The following NUGGC variants were observed in gnomAD, a reference collection of about 807,000 sequenced individuals.
NUGGC encodes the protein nuclear GTPase, germinal center associated, also known as nuclear GTPase SLIP-GC.
A neutral mutation model predicts 92.6 loss-of-function variants in NUGGC; 58 were observed. That is an observed-to-expected ratio of 0.63 (90% confidence interval 0.51 to 0.78). The LOEUF is 0.78. NUGGC is among the 30% of genes least tolerant of loss of function. NUGGC has a pLI of 0.00. For synonymous variants in NUGGC, 376 were observed against 366.4 expected (o/e 1.03, Z -0.30); for missense variants, 925 against 964.6 (o/e 0.96, Z 0.54).
At position 28,023,187 on chromosome 8, in the gene NUGGC, G is replaced by A; in HGVS notation, c.*130C>T. On this transcript the variant is annotated 3_prime_UTR_variant, in exon 19 of 19. Coordinates refer to ENST00000413272, the MANE Select transcript of NUGGC (RefSeq NM_001010906.2). ...TAGGAGTTCGAGGCTGCAGTGAGCT[G>A]TGATGGTGCCACTGCACTCCAGCCT... 1 of 999,252 alleles carries A rather than the reference G, an allele frequency of 1.0e-6. No individual in the cohort carries two copies. 61.9% of individuals were successfully genotyped at this position (999,252 alleles called of 1,614,324 possible).
At chr8:28,040,213 C>T (rs916280192) in intron 13 of NUGGC, among the ~76,000 whole-genome samples, 21 of 152,114 alleles carry the variant, frequency 1.4e-4, no homozygotes, top group African/African-American at 4.3e-4. Flanking sequence ...TCTTTTTTCA[C>T]CCCTTAGTCT....
Position 28,033,708 on chromosome 8 carries a change from A to C in NUGGC, c.1612-11T>G. The C allele has an allele frequency of 6.2e-7, 1 of 1,613,162 alleles. No homozygotes were observed. Among genetic ancestry groups the C allele is most frequent in the Non-Finnish European group, 8.5e-7 (1 of 1,179,354 alleles). On this transcript the variant is annotated splice_polypyrimidine_tract_variant and intron_variant, in intron 13 of 18. Transcript: ENST00000413272. Reference sequence around the variant, plus strand: ...GTTTCCTTTACTCCTCTAGACAATCAACAATAAATTAGCAGAGTTAGGCAT... The same window carrying C: ...GTTTCCTTTACTCCTCTAGACAATCCACAATAAATTAGCAGAGTTAGGCAT...
intron 9 of NUGGC, among the ~76,000 whole-genome samples, chr8:28,057,829 T>C (rs111412999): frequency 3.7e-4 from 57 of 152,060 alleles, no homozygotes; most frequent in African/African-American, 1.3e-3. Flanking sequence ...GAGCAGGGAG[T>C]TGGCACACTA....
intron 7 of NUGGC, among the ~76,000 whole-genome samples, chr8:28,061,675 A>T (rs897718538): frequency 2.0e-5 from 3 of 152,180 alleles, no homozygotes; most frequent in Non-Finnish European, 4.4e-5. Context: ...GGGGCTAATG[A>T]TGGTTATGAT....
At chr8:28,030,026 A>G (rs1809374484) in intron 16 of NUGGC, among the ~76,000 whole-genome samples, 1 of 152,212 alleles carries the variant, frequency 6.6e-6, no homozygotes, top group Admixed American at 6.5e-5. Flanking sequence ...ACTTGGAAAC[A>G]AAAATGAGAA....
chr8:28,055,932 C>T, intron 10 of NUGGC, 33 bp downstream of exon 10: 1 of 1,227,688 alleles, frequency 8.1e-7, no homozygotes, highest in South Asian at 1.3e-5. Flanking sequence ...TGCTGGGATA[C>T]AGAAAAACAC....
At chr8:28,061,108 T>G (rs894367736) in intron 7 of NUGGC, among the ~76,000 whole-genome samples, 25 of 152,212 alleles carry the variant, frequency 1.6e-4, no homozygotes, top group Admixed American at 1.4e-3. Context: ...CTGGCTTGCT[T>G]TATCTCAGTT....
At chr8:28,031,501 T>A in intron 14 of NUGGC, 120 bp from the exon 15 acceptor site, 2 of 970,532 alleles carry the variant, frequency 2.1e-6, no homozygotes, top group Non-Finnish European at 1.5e-6. Flanking sequence ...AATCTAACAG[T>A]TATCAAATCC....
At chr8:28,023,718 A>C (rs1024210829) in intron 18 of NUGGC, among the ~76,000 whole-genome samples, 2 of 152,196 alleles carry the variant, frequency 1.3e-5, no homozygotes, top group African/African-American at 4.8e-5. Flanking sequence ...AAGGCTTCAC[A>C]GGTGTGTGAT....
At chr8:28,059,293 T>G (rs1238097160) in intron 8 of NUGGC, among the ~76,000 whole-genome samples, 1 of 152,180 alleles carries the variant, frequency 6.6e-6, no homozygotes, top group East Asian at 1.9e-4. Flanking sequence ...TTATACCCGC[T>G]GATCCCCTCT....
In NUGGC at chr8:28,067,612, C is replaced by A. The variant is rs200732594; in HGVS notation, c.613G>T (p.Gly205Ter). 4.4e-5 allele frequency: 71 copies of A among 1,613,876 alleles called. No individual in the cohort carries two copies. Among genetic ancestry groups the A allele is most frequent in the Non-Finnish European group, 5.7e-5 (67 of 1,179,862 alleles). ...EATWKLQMIY[G>*]NGAESKNYEE... ...TAGTTCTTACTCTCTGCCCCATTTC[C>A]ATAAATCATTTGTAGCTTCCAGGTG... is the stretch of plus-strand genomic sequence containing the variant. The change falls in exon 6 of 19, where the codon GGA becomes TGA. Residue 205 changes from glycine to a stop codon, truncating the protein, a stop_gained. Coordinates refer to ENST00000413272, the MANE Select transcript of NUGGC (RefSeq NM_001010906.2). LOFTEE classifies it high-confidence loss of function.
intron 2 of NUGGC, among the ~76,000 whole-genome samples, chr8:28,071,516 A>T (rs1282250377): frequency 6.6e-6 from 1 of 152,172 alleles, no homozygotes; most frequent in Non-Finnish European, 1.5e-5. Context: ...CTTCACTTGG[A>T]GACATCAGCA....
intron 10 of NUGGC, among the ~76,000 whole-genome samples, chr8:28,051,432 C>T (rs1282774447): frequency 6.6e-6 from 1 of 152,098 alleles, no homozygotes; most frequent in Non-Finnish European, 1.5e-5. Context: ...AGGCATTAAC[C>T]ACCTCAAACA....
Position 28,067,499 on chromosome 8 carries a change from C to A in NUGGC, c.711+15G>T, listed in dbSNP as rs770724610. On this transcript the variant is annotated intron_variant, in intron 6 of 18. Coordinates refer to ENST00000413272, the MANE Select transcript of NUGGC (RefSeq NM_001010906.2). ...ACCCAGGATGAAATCAAGGAAAAAA[C>A]GAACTTGACGCTACCTCTTCCGCCT... The A allele has an allele frequency of 1.0e-5, 16 of 1,563,042 alleles. No homozygotes were observed. The highest frequency in any genetic ancestry group is 1.8e-5 in the Admixed American group (1 of 54,396).
At chr8:28,027,260 T>G (rs1347474985) in intron 17 of NUGGC, among the ~76,000 whole-genome samples, 2 of 152,152 alleles carry the variant, frequency 1.3e-5, no homozygotes, top group Non-Finnish European at 2.9e-5. Context: ...TTCTGTGGGC[T>G]CCCATCTGTA....
intron 16 of NUGGC, among the ~76,000 whole-genome samples, chr8:28,029,677 A>G (rs1016000025): frequency 3.3e-5 from 5 of 152,126 alleles, no homozygotes; most frequent in Non-Finnish European, 7.3e-5. Flanking sequence ...TCAACCCAGG[A>G]GGCGGAGGTT....
intron 13 of NUGGC, among the ~76,000 whole-genome samples, chr8:28,035,703 G>A (rs1363761101): frequency 6.6e-6 from 1 of 152,150 alleles, no homozygotes; most frequent in African/African-American, 2.4e-5. Flanking sequence ...GATTCAACGT[G>A]GGGGAGACTC....
At chr8:28,035,133 C>T (rs1018520901) in intron 13 of NUGGC, among the ~76,000 whole-genome samples, 1 of 152,208 alleles carries the variant, frequency 6.6e-6, no homozygotes, top group Non-Finnish European at 1.5e-5. Flanking sequence ...CTTCTGCTCA[C>T]AGCAAACTCT....
intron 18 of NUGGC, among the ~76,000 whole-genome samples, chr8:28,026,438 C>T (rs960047660): frequency 6.6e-6 from 1 of 152,210 alleles, no homozygotes; most frequent in Non-Finnish European, 1.5e-5. Flanking sequence ...ACAGCTGGGG[C>T]CGCATCCCCA....
Sources: allele counts gnomAD v4.1 joint callset (sites outside exome capture counted in the v4.1 genomes callset), GRCh38; gene constraint gnomAD v4.1.1; transcripts MANE v1.5; gene names NCBI Gene and HGNC (gene_info 2026-07-23, HGNC 2026-07-21).